HSF2BP: variants seen among roughly 807,000 people sequenced by gnomAD.
The protein encoded by HSF2BP is heat shock transcription factor 2 binding protein.
In HSF2BP, 35 loss-of-function variants were observed where a neutral mutation model predicts 35.0. The ratio of observed to expected loss-of-function variants is 1.00; its 90% CI spans 0.76 to 1.32. HSF2BP has a LOEUF of 1.32. Ranked by LOEUF, HSF2BP falls within the 40% of genes most tolerant of loss-of-function variation. The probability of loss-of-function intolerance (pLI) is 0.00; values close to 1 mark genes in which losing one functional copy is unlikely to be tolerated. For synonymous variants in HSF2BP, 114 were observed against 117.4 expected (o/e 0.97, Z 0.18); for missense variants, 326 against 321.7 (o/e 1.01, Z -0.10).
intron 7 of HSF2BP, among the ~76,000 whole-genome samples, chr21:43,604,331 C>T (rs1410574829): frequency 3.5e-5 from 5 of 143,100 alleles, no homozygotes; most frequent in Admixed American, 2.8e-4. Flanking sequence ...ACACCACACA[C>T]ACACACATCA....
In HSF2BP at chr21:43,613,858, T is replaced by C. The variant is rs1041924453; in HGVS notation, c.664A>G (p.Lys222Glu). The C allele has an allele frequency of 1.9e-6, 3 of 1,613,676 alleles. No individual in the cohort carries two copies. Among genetic ancestry groups the C allele is most frequent in the African/African-American group, 1.3e-5 (1 of 74,920 alleles). Reference protein sequence around the residue: ...DTILQLLGDLKPGQCTKLKVL... With the variant: ...DTILQLLGDLEPGQCTKLKVL... ...TTGAGTTTGGTACACTGTCCTGGCT[T>C]CAAGTCTCCCAGAAGCTGCAATATG... Residue 222 changes from lysine to glutamate, a missense_variant, in exon 7 of 9, where the codon AAG becomes GAG. By Grantham distance (56) the Lys-to-Glu change is moderately conservative. Transcript: ENST00000291560.
At chr21:43,624,395 G>A (rs1601686329) in intron 6 of HSF2BP, among the ~76,000 whole-genome samples, 1 of 152,158 alleles carries the variant, frequency 6.6e-6, no homozygotes, top group East Asian at 1.9e-4. Context: ...CTTCTCAGAA[G>A]ACAAAAACCG....
At chr21:43,588,345 T>C (rs964416856) in intron 8 of HSF2BP, among the ~76,000 whole-genome samples, 4 of 152,018 alleles carry the variant, frequency 2.6e-5, no homozygotes, top group Non-Finnish European at 5.9e-5. Context: ...ATCACTGCAC[T>C]CCAGCCTGGG....
At chr21:43,627,180 G>A (rs1278312132) in intron 6 of HSF2BP, among the ~76,000 whole-genome samples, 1 of 152,126 alleles carries the variant, frequency 6.6e-6, no homozygotes, top group African/African-American at 2.4e-5. Flanking sequence ...CTTCTATACT[G>A]AGAAATTATT....
chr21:43,583,105 A>AG (rs1281652004), intron 8 of HSF2BP, among the ~76,000 whole-genome samples: 1 of 9,528 alleles, frequency 1.0e-4, no homozygotes. Flanking sequence ...AAGGAGATGA[A>AG]GGCCTGCTGA....
At chr21:43,585,745 A>G (rs1267251828) in intron 8 of HSF2BP, among the ~76,000 whole-genome samples, 1 of 152,168 alleles carries the variant, frequency 6.6e-6, no homozygotes, top group Non-Finnish European at 1.5e-5. Context: ...AGACTGAATG[A>G]GGGCGTAAGA....
intron 4 of HSF2BP, among the ~76,000 whole-genome samples, chr21:43,640,097 T>C (rs2082615895): frequency 6.6e-6 from 1 of 151,942 alleles, no homozygotes; most frequent in Non-Finnish European, 1.5e-5. Context: ...AGCCCAGGGG[T>C]TCAAGACCAG....
chr21:43,622,342 A>C (rs928687401), intron 6 of HSF2BP, among the ~76,000 whole-genome samples: 2 of 152,198 alleles, frequency 1.3e-5, no homozygotes, highest in Non-Finnish European at 2.9e-5. Context: ...GTAACATTGA[A>C]TATAAACAGA....
intron 6 of HSF2BP, among the ~76,000 whole-genome samples, chr21:43,621,430 G>A (rs1388244628): frequency 1.3e-5 from 2 of 152,104 alleles, no homozygotes; most frequent in Non-Finnish European, 2.9e-5. Flanking sequence ...AGGAGGCTAA[G>A]GCAAGAGAAT....
At chr21:43,581,237 T>A (rs2081726086) in intron 8 of HSF2BP, among the ~76,000 whole-genome samples, 1 of 151,586 alleles carries the variant, frequency 6.6e-6, no homozygotes, top group Admixed American at 6.6e-5. Context: ...ATACGAAAAA[T>A]TAGCCGGGCG....
chr21:43,600,503 T>C (rs2082038870), intron 7 of HSF2BP, among the ~76,000 whole-genome samples: 1 of 152,188 alleles, frequency 6.6e-6, no homozygotes, highest in African/African-American at 2.4e-5. Flanking sequence ...ACAGCAATAT[T>C]ACATTTTTAG....
At chr21:43,616,790 G>C (rs1601675202) in intron 6 of HSF2BP, among the ~76,000 whole-genome samples, 1 of 152,220 alleles carries the variant, frequency 6.6e-6, no homozygotes, top group East Asian at 1.9e-4. Context: ...AATTAGCCGG[G>C]CGCGGTGGCA....
At chr21:43,630,641 C>A (rs1256702528) in intron 5 of HSF2BP, among the ~76,000 whole-genome samples, 187 bp from the exon 6 acceptor site, 2 of 152,110 alleles carry the variant, frequency 1.3e-5, no homozygotes, top group Non-Finnish European at 2.9e-5. Context: ...ACAAAAACTA[C>A]CCTGAAGATT....
At chr21:43,608,478 A>G (rs2082162491) in intron 7 of HSF2BP, among the ~76,000 whole-genome samples, 1 of 152,182 alleles carries the variant, frequency 6.6e-6, no homozygotes, top group Non-Finnish European at 1.5e-5. Context: ...GAAAAAAGGG[A>G]ACTCGTATAC....
intron 3 of HSF2BP, among the ~76,000 whole-genome samples, chr21:43,645,879 G>A (rs1164074385): frequency 2.0e-5 from 3 of 152,040 alleles, no homozygotes; most frequent in Non-Finnish European, 4.4e-5. Context: ...AGCTCTAAAG[G>A]AAATGTTAAA....
intron 7 of HSF2BP, among the ~76,000 whole-genome samples, chr21:43,604,222 C>T (rs928343780): frequency 2.0e-5 from 3 of 148,322 alleles, no homozygotes; most frequent in Non-Finnish European, 4.5e-5. Context: ...CAGCACACAG[C>T]ACACACCACA....
chr21:43,581,485 T>C (rs2081731437), intron 8 of HSF2BP, among the ~76,000 whole-genome samples: 1 of 152,164 alleles, frequency 6.6e-6, no homozygotes, highest in Admixed American at 6.5e-5. Context: ...ACAGCCCACC[T>C]GGACAGGGAT....
At chr21:43,581,312 G>A (rs1179328431) in intron 8 of HSF2BP, among the ~76,000 whole-genome samples, 1 of 152,052 alleles carries the variant, frequency 6.6e-6, no homozygotes, top group African/African-American at 2.4e-5. Context: ...CGTGAACCTG[G>A]GAGGCAGGGC....
intron 8 of HSF2BP, among the ~76,000 whole-genome samples, chr21:43,577,132 C>G (rs946507321): frequency 6.6e-6 from 1 of 152,210 alleles, no homozygotes; most frequent in Non-Finnish European, 1.5e-5. Flanking sequence ...CTCCACTTCT[C>G]AACCACATGC....
Sources: gnomAD v4.1 joint callset for allele counts (sites outside exome capture counted in the v4.1 genomes callset) on GRCh38, gnomAD v4.1.1 for gene constraint, MANE v1.5 for transcripts, NCBI Gene and HGNC (gene_info 2026-07-23, HGNC 2026-07-21) for gene names.